Variants in FRAS1 observed in about 807,000 individuals in gnomAD.
FRAS1 encodes Fraser extracellular matrix complex subunit 1, also known as extracellular matrix organizing protein FRAS1.
In FRAS1, 290 loss-of-function variants were observed where a neutral mutation model predicts 435.2. That is an observed-to-expected ratio of 0.67 (90% CI 0.61 to 0.73). The LOEUF (loss-of-function observed/expected upper bound fraction) is 0.73. Ranked by LOEUF, FRAS1 falls within the 30% of genes least tolerant of loss-of-function variation. The pLI is 0.00. For missense variants in FRAS1, 4,860 were observed against 5,001.5 expected (o/e 0.97, Z 0.85); for synonymous variants, 1,800 against 1,851.0 (o/e 0.97, Z 0.71).
intron 20 of FRAS1, among the ~76,000 whole-genome samples, chr4:78,340,189 C>G (rs1730342808): frequency 6.6e-6 from 1 of 152,098 alleles, no homozygotes; most frequent in Admixed American, 6.5e-5. Flanking sequence ...CTAAACAACT[C>G]TGGAAGCCCC....
At position 78,450,031 on chromosome 4, in the gene FRAS1, G is replaced by C. The variant is rs1718974074; in HGVS notation, c.6275-120G>C. On this transcript the variant is annotated intron_variant, in intron 44 of 73. Transcript: ENST00000512123. ...CAGCTGGAAACTGAGAAGGGCAAGTGCCTGGTACCTAGATCCAATGAATAT... is the reference window on the plus strand; with the variant it reads ...CAGCTGGAAACTGAGAAGGGCAAGTCCCTGGTACCTAGATCCAATGAATAT... 4.6e-6 allele frequency: 3 copies of C among 651,632 alleles called. No homozygotes were observed. In the African/African-American group the frequency reaches 6.6e-5, roughly 14 times the overall value. The allele number at this position is 651,632 out of a possible 1,614,324, so 40.4% of individuals were successfully genotyped here.
chr4:78,278,681 A>G lies in FRAS1; in HGVS notation c.1008A>G (p.Gly336=), dbSNP rs1727177688. 2 of 1,604,638 alleles carry G rather than the reference A, an allele frequency of 1.2e-6. No individual in the cohort carries two copies. Among genetic ancestry groups the G allele is most frequent in the Non-Finnish European group, 8.5e-7 (1 of 1,171,790 alleles). ...ATGAAGAATTAATTCACTTAGATGGAAAGTGTTGTCCTGAATGCATTTCAA... is the reference window on the plus strand; with the variant it reads ...ATGAAGAATTAATTCACTTAGATGGGAAGTGTTGTCCTGAATGCATTTCAA... ...ARDEELIHLD[G]KCCPECISRN... Residue 336 remains glycine (G), a synonymous_variant, in exon 10 of 74, where the codon GGA becomes GGG. Coordinates refer to ENST00000512123, the MANE Select transcript of FRAS1 (RefSeq NM_025074.7).
chr4:78,251,026 T>A (rs1256350655), intron 4 of FRAS1, among the ~76,000 whole-genome samples: 2 of 152,166 alleles, frequency 1.3e-5, no homozygotes, highest in African/African-American at 4.8e-5. Context: ...CTTTTAATTT[T>A]ATTTTATATA....
chr4:78,444,805 C>A (rs1261683141), intron 41 of FRAS1, among the ~76,000 whole-genome samples: 1 of 152,166 alleles, frequency 6.6e-6, no homozygotes, highest in African/African-American at 2.4e-5. Context: ...GGTAACTGGG[C>A]ATCTCGGTAC....
chr4:78,299,303 T>C (rs1728280526), intron 14 of FRAS1, among the ~76,000 whole-genome samples: 1 of 152,172 alleles, frequency 6.6e-6, no homozygotes, highest in African/African-American at 2.4e-5. Flanking sequence ...GTCCCTGTCC[T>C]GATTGGTAAC....
At chr4:78,384,209 G>T (rs1477057164) in intron 28 of FRAS1, 66 bp downstream of exon 28, 1 of 1,101,362 alleles carries the variant, frequency 9.1e-7, no homozygotes, top group Non-Finnish European at 1.3e-6. Flanking sequence ...CGAAATCTAG[G>T]TTTCCTGTGG....
intron 2 of FRAS1, among the ~76,000 whole-genome samples, chr4:78,192,227 T>C (rs1393502118): frequency 6.6e-6 from 1 of 152,226 alleles, no homozygotes; most frequent in African/African-American, 2.4e-5. Flanking sequence ...ATCACGGATA[T>C]TGGTCTAAAA....
chr4:78,063,625 C>A (rs534290158), intron 1 of FRAS1, among the ~76,000 whole-genome samples: 1 of 152,314 alleles, frequency 6.6e-6, no homozygotes, highest in South Asian at 2.1e-4. Flanking sequence ...TGTGGTGCCA[C>A]ACTCAGTGCT....
chr4:78,535,461 A>C (rs1036056478), intron 71 of FRAS1, among the ~76,000 whole-genome samples: 3 of 152,194 alleles, frequency 2.0e-5, no homozygotes, highest in African/African-American at 7.2e-5. Flanking sequence ...AGAGATGCCC[A>C]AGTCTGGACT....
chr4:78,274,323 G>T (rs549249002), intron 9 of FRAS1, among the ~76,000 whole-genome samples: 9 of 152,130 alleles, frequency 5.9e-5, no homozygotes, highest in African/African-American at 1.7e-4. Flanking sequence ...CTTCAGTTCT[G>T]CTGTGATCTT....
At chr4:78,504,202 G>A (rs972869373) in intron 61 of FRAS1, among the ~76,000 whole-genome samples, 14 of 152,148 alleles carry the variant, frequency 9.2e-5, no homozygotes, top group Admixed American at 8.5e-4. Flanking sequence ...GTTGATTTTG[G>A]GTGGAGAGTT....
chr4:78,520,650 A>T (rs1721357912), intron 67 of FRAS1, among the ~76,000 whole-genome samples: 1 of 152,202 alleles, frequency 6.6e-6, no homozygotes, highest in Non-Finnish European at 1.5e-5. Flanking sequence ...CTATATAAAT[A>T]GTTGTTATGC....
intron 50 of FRAS1, among the ~76,000 whole-genome samples, chr4:78,466,694 A>G (rs185251298): frequency 2.2e-4 from 34 of 152,318 alleles, no homozygotes; most frequent in Non-Finnish European, 3.4e-4. Context: ...ATAGTGCTCA[A>G]TAAATGGTGA....
intron 19 of FRAS1, 108 bp downstream of exon 19, chr4:78,333,520 G>T (rs2110259264): frequency 8.5e-7 from 1 of 1,180,234 alleles, no homozygotes; most frequent in East Asian, 2.8e-5. Context: ...CTAAGATTCA[G>T]CTGTAAATCC....
chr4:78,202,517 C>A (rs2110077143), intron 2 of FRAS1, among the ~76,000 whole-genome samples: 1 of 152,180 alleles, frequency 6.6e-6, no homozygotes, highest in Middle Eastern at 3.4e-3. Context: ...ATGGTGAAAC[C>A]CCATCTCTAC....
intron 1 of FRAS1, among the ~76,000 whole-genome samples, chr4:78,058,470 T>C (rs1007288890): frequency 6.6e-6 from 1 of 152,122 alleles, no homozygotes; most frequent in Admixed American, 6.5e-5. Flanking sequence ...TGTTTAAAAA[T>C]ACTTCTGTTC....
At chr4:78,397,288 A>G (rs1284999930) in intron 29 of FRAS1, among the ~76,000 whole-genome samples, 2 of 152,164 alleles carry the variant, frequency 1.3e-5, no homozygotes, top group African/African-American at 2.4e-5. Context: ...TTCCCCCTTC[A>G]GGGGCAGTCT....
At chr4:78,314,355 C>T (rs1191426003) in intron 15 of FRAS1, among the ~76,000 whole-genome samples, 1 of 152,076 alleles carries the variant, frequency 6.6e-6, no homozygotes, top group African/African-American at 2.4e-5. Flanking sequence ...CATCACTTGT[C>T]CCCCAAGACA....
chr4:78,068,564 AGCCATTGGAGGT>A (rs1740172517), intron 2 of FRAS1: 1 of 456,180 alleles, frequency 2.2e-6, no homozygotes, highest in Admixed American at 2.3e-5. Context: ...AAGGTGGATG[AGCCATTGGAGGT>A]GCCAGAGAGG....
Sources: allele counts gnomAD v4.1 joint callset (sites outside exome capture counted in the v4.1 genomes callset), GRCh38; gene constraint gnomAD v4.1.1; transcripts MANE v1.5; gene names NCBI Gene and HGNC (gene_info 2026-07-23, HGNC 2026-07-21).